Variants in SERPINA1 observed in about 807,000 individuals in gnomAD.
SERPINA1 encodes the protein serpin family A member 1, also known as alpha-1-antitrypsin.
SERPINA1 carries 21 observed loss-of-function variants against 25.4 expected under a neutral mutation model. That is an observed-to-expected ratio of 0.83 (90% CI 0.59 to 1.19). The LOEUF (loss-of-function observed/expected upper bound fraction) is 1.19, where lower values mean the gene tolerates loss of function less well. Among genes scored for constraint, SERPINA1 ranks in the 50% most tolerant of loss-of-function variants. The pLI is 0.00. For missense variants in SERPINA1, 546 were observed against 509.0 expected, an observed-to-expected ratio of 1.07 and a Z score of -0.70; for synonymous variants, 218 against 211.1, an observed-to-expected ratio of 1.03 and a Z score of -0.29.
intron 1 of SERPINA1, chr14:94,383,451 C>T: frequency 1.7e-6 from 1 of 594,050 alleles, no homozygotes; most frequent in Admixed American, 2.9e-5. Context: ...TCCGTGCTCA[C>T]ATGTGTTAAT....
intron 2 of SERPINA1, among the ~76,000 whole-genome samples, chr14:94,382,109 C>T (rs1315086641): frequency 6.6e-6 from 1 of 152,210 alleles, no homozygotes; most frequent in Non-Finnish European, 1.5e-5. Context: ...GTATTTTGTC[C>T]ATGCTAAGAT....
rs867521254 is a variant in SERPINA1 at position 94,378,553 on chromosome 14, G to C, written c.1153C>G (p.Pro385Ala). Residue 385 changes from proline (P) to alanine (A), a missense_variant, in exon 5 of 5, where the codon CCC (proline) becomes GCC (alanine). Physicochemically the swap from Pro to Ala is conservative, Grantham distance 27. Transcript: ENST00000393087. ...MFLEAIPMSI[P>A]PEVKFNKPFV... ...GGTTTGTTGAACTTGACCTCGGGGG[G>C]GATAGACATGGGTATGGCCTCTAAA... 2 of 1,613,986 alleles carry C rather than the reference G, an allele frequency of 1.2e-6. No individual in the cohort carries two copies. The highest frequency in any genetic ancestry group is 1.7e-6 in the Non-Finnish European group (2 of 1,179,958).
intron 1 of SERPINA1, among the ~76,000 whole-genome samples, chr14:94,385,482 C>A (rs572930481): frequency 6.6e-6 from 1 of 152,346 alleles, no homozygotes; most frequent in African/African-American, 2.4e-5. Flanking sequence ...GCGTGTGCCA[C>A]CACGCCTGGC....
intron 3 of SERPINA1, among the ~76,000 whole-genome samples, chr14:94,380,426 C>T (rs79660971): frequency 3.3e-5 from 5 of 152,176 alleles, no homozygotes; most frequent in Non-Finnish European, 1.5e-5. Flanking sequence ...AATTCCGAAC[C>T]TTGCTTTTCT....
At position 94,381,081 on chromosome 14, in the gene SERPINA1, T is replaced by C. The variant is rs746531546; in HGVS notation, c.707A>G (p.Gln236Arg). Residue 236 changes from glutamine to arginine, a missense_variant, in exon 3 of 5, where the codon CAG (glutamine) becomes CGG (arginine). Gln to Arg is a conservative substitution (Grantham distance 43). Transcript: ENST00000393087. ...CATAGGCACCTTCACGGTGGTCACC[T>C]GGTCCACGTGGAAGTCCTCTTCCTC... ...DTEEEDFHVDQVTTVKVPMMK... is the reference protein window; with the variant it reads ...DTEEEDFHVDRVTTVKVPMMK... 1.8e-5 allele frequency: 29 copies of C among 1,601,068 alleles called. No homozygotes were observed. The highest frequency in any genetic ancestry group is 2.5e-5 in the Non-Finnish European group (29 of 1,176,186).
At chr14:94,389,118 C>T (rs1404150502), upstream of SERPINA1, 1 of 152,304 alleles carries the variant, frequency 6.6e-6, no homozygotes. Flanking sequence ...CACAAACACC[C>T]TCTTGATGGT....
At chr14:94,384,549 C>T (rs543952785) in intron 1 of SERPINA1, among the ~76,000 whole-genome samples, 9 of 152,150 alleles carry the variant, frequency 5.9e-5, no homozygotes, top group Non-Finnish European at 1.2e-4. Context: ...AGAACCTGCC[C>T]TGCCCCACAG....
In SERPINA1 at chr14:94,383,212, A is replaced by T. The variant is rs1296175763; in HGVS notation, c.26T>A (p.Ile9Asn). The T allele has an allele frequency of 2.5e-6, 4 of 1,613,810 alleles. No individual in the cohort carries two copies. The highest frequency in any genetic ancestry group is 2.5e-6 in the Non-Finnish European group (3 of 1,180,026). Residue 9 changes from isoleucine (I) to asparagine (N), a missense_variant, in exon 2 of 5, where the codon ATC becomes AAC. By Grantham distance (149) the Ile-to-Asn change is moderately radical. Coordinates refer to ENST00000393087, the MANE Select transcript of SERPINA1 (RefSeq NM_000295.5). ...GCAGCACAGGCCTGCCAGCAGGAGG[A>T]TGCCCCACGAGACAGAAGACGGCAT... MPSSVSWG[I>N]LLLAGLCCLV...
At chr14:94,388,042 G>C (rs1415467411) in intron 1 of SERPINA1, among the ~76,000 whole-genome samples, 1 of 152,068 alleles carries the variant, frequency 6.6e-6, no homozygotes, top group African/African-American at 2.4e-5. Flanking sequence ...ATATCTGGAG[G>C]GGATGGAGAA....
chr14:94,378,789 C>T (rs1315452368), intron 4 of SERPINA1, 149 bp from the exon 5 acceptor site: 6 of 856,826 alleles, frequency 7.0e-6, no homozygotes, highest in Admixed American at 2.1e-5. Flanking sequence ...GGCCTTGCTC[C>T]TCCTCAAGGC....
chr14:94,383,008 GAGA>G lies in SERPINA1; in HGVS notation c.227_229del (p.Phe76del), dbSNP rs775982338. On this transcript the variant is annotated inframe_deletion, in exon 2 of 5. Coordinates refer to ENST00000393087, the MANE Select transcript of SERPINA1 (RefSeq NM_000295.5). ...AAAGGCTGTAGCGATGCTCACTGGG[GAGA>G]AGAAGATATTGGTGCTGTTGGACTG... 1.8e-4 allele frequency: 292 copies of G among 1,610,444 alleles called. No homozygotes were observed. Among genetic ancestry groups the G allele is most frequent in the Middle Eastern group, 8.3e-4 (5 of 6,048 alleles).
upstream of SERPINA1, chr14:94,388,999 C>T (rs1425013309): frequency 6.6e-6 from 1 of 152,286 alleles, no homozygotes; most frequent in African/African-American, 2.4e-5. Context: ...ATGCTGAAGA[C>T]TTACTGCCGC....
rs749295615 is a variant in SERPINA1, at chr14:94,382,882, C to G, written c.356G>C (p.Gly119Ala). The stretch of plus-strand genomic sequence containing the variant: ...GAGGGTACGGAGGAGTTCCTGGAAG[C>G]CTTCATGGATCTGAGCCTCCGGAAT... ...TEIPEAQIHE[G>A]FQELLRTLNQ... The change falls in exon 2 of 5, where the codon GGC becomes GCC. Residue 119 changes from glycine to alanine, a missense_variant. By Grantham distance (60) the Gly-to-Ala change is moderately conservative (BLOSUM62 0). Coordinates refer to ENST00000393087, the MANE Select transcript of SERPINA1 (RefSeq NM_000295.5). The G allele has an allele frequency of 1.6e-5, 26 of 1,614,090 alleles. No homozygotes were observed. Among genetic ancestry groups the G allele is most frequent in the Non-Finnish European group, 1.9e-5 (23 of 1,179,930 alleles).
chr14:94,382,198 AG>A (rs1896975233), intron 2 of SERPINA1, among the ~76,000 whole-genome samples: 1 of 152,256 alleles, frequency 6.6e-6, no homozygotes, highest in African/African-American at 2.4e-5. Flanking sequence ...ATTTGAACCC[AG>A]GTCTTTCAGA....
chr14:94,381,173 G>A (rs770302562), intron 2 of SERPINA1, 32 bp from the exon 3 acceptor site: 7 of 1,603,358 alleles, frequency 4.4e-6, no homozygotes, highest in Non-Finnish European at 5.9e-6. Flanking sequence ...CATCACCAGG[G>A]GTGAGTGAAG....
Position 94,382,756 on chromosome 14 carries a change from A to C in SERPINA1, c.482T>G (p.Leu161Trp). The change falls in exon 2 of 5, where the codon TTG (leucine) becomes TGG (tryptophan). Residue 161 changes from leucine (L) to tryptophan (W), a missense_variant. Transcript: ENST00000393087. ...GACAGTGAAGGCTTCTGAGTGGTAC[A>C]ACTTTTTAACATCCTCCAAAAACTT... is the stretch of plus-strand genomic sequence containing the variant. ...VDKFLEDVKK[L>W]YHSEAFTVNF... 2 of 1,614,234 alleles carry C rather than the reference A, an allele frequency of 1.2e-6. No individual in the cohort carries two copies. Among genetic ancestry groups the C allele is most frequent in the Non-Finnish European group, 1.7e-6 (2 of 1,180,042 alleles).
At chr14:94,381,583 G>A (rs1468498271) in intron 2 of SERPINA1, among the ~76,000 whole-genome samples, 2 of 152,170 alleles carry the variant, frequency 1.3e-5, no homozygotes, top group Non-Finnish European at 2.9e-5. Context: ...ATTCCTGAGA[G>A]CTTTCCTCAT....
At position 94,380,941 on chromosome 14, in the gene SERPINA1, T is replaced by A. The variant is rs1566753359; in HGVS notation, c.847A>T (p.Lys283Ter). 1 of 1,614,190 alleles carries A rather than the reference T, an allele frequency of 6.2e-7. No homozygotes were observed. Among genetic ancestry groups the A allele is most frequent in the Non-Finnish European group, 8.5e-7 (1 of 1,180,026 alleles). ...AGTTCATTTTCCAGGTGCTGTAGTT[T>A]CCCCTCATCAGGCAGGAAGAAGATG... ...TAIFFLPDEG[K>*]LQHLENELTH... is the part of the protein sequence containing the mutation. The change falls in exon 3 of 5, where the codon AAA (lysine) becomes TAA (stop). Residue 283 changes from lysine (K) to a stop codon, truncating the protein, a stop_gained. Transcript: ENST00000393087. LOFTEE classifies it high-confidence loss of function.
Position 94,382,908 on chromosome 14 carries a change from C to A in SERPINA1, c.330G>T (p.Glu110Asp). The stretch of plus-strand genomic sequence containing the variant: ...CTTCATGGATCTGAGCCTCCGGAAT[C>A]TCCGTGAGGTTGAAATTCAGGCCCT... The part of the protein sequence containing the change: ...ILEGLNFNLT[E>D]IPEAQIHEGF... The change falls in exon 2 of 5, where the codon GAG (glutamate) becomes GAT (aspartate). Residue 110 changes from glutamate (E) to aspartate (D), a missense_variant. Glu to Asp is a conservative substitution (Grantham distance 45). Transcript: ENST00000393087. The A allele has an allele frequency of 6.2e-7, 1 of 1,613,062 alleles. No homozygotes were observed. The highest frequency in any genetic ancestry group is 1.1e-5 in the South Asian group (1 of 91,086).
Sources: allele counts gnomAD v4.1 joint callset (sites outside exome capture counted in the v4.1 genomes callset), GRCh38; gene constraint gnomAD v4.1.1; transcripts MANE v1.5; gene names NCBI Gene and HGNC (gene_info 2026-07-23, HGNC 2026-07-21).